LDB2: variants seen among roughly 807,000 people sequenced by gnomAD.
The protein encoded by LDB2 is LIM domain-binding protein 2.
In LDB2, 12 loss-of-function variants were observed where a neutral mutation model predicts 44.3. The observed-to-expected ratio is 0.27, with a 90% CI of 0.17 to 0.44. The LOEUF (loss-of-function observed/expected upper bound fraction) is 0.44, where lower values mean the gene tolerates loss of function less well. LDB2 is among the 20% of genes least tolerant of loss of function. LDB2 has a pLI of 1.00. For synonymous variants in LDB2, 164 were observed against 174.8 expected (o/e 0.94, Z 0.49); for missense variants, 344 against 473.5 (o/e 0.73, Z 2.54).
intron 2 of LDB2, among the ~76,000 whole-genome samples, chr4:16,671,714 G>A (rs939161542): frequency 2.6e-5 from 4 of 152,078 alleles, no homozygotes; most frequent in African/African-American, 7.2e-5. Context: ...CTGGGTCCAT[G>A]CCATTGCAAA....
At chr4:16,723,972 C>T (rs1758883646) in intron 2 of LDB2, among the ~76,000 whole-genome samples, 2 of 152,122 alleles carry the variant, frequency 1.3e-5, no homozygotes, top group African/African-American at 4.8e-5. Flanking sequence ...ATTCAAACGA[C>T]AGTGCCATAA....
intron 1 of LDB2, among the ~76,000 whole-genome samples, chr4:16,859,255 C>G (rs1711644101): frequency 6.6e-6 from 1 of 152,172 alleles, no homozygotes. Context: ...AATGACTTGT[C>G]CTTGAATCAT....
At chr4:16,649,028 AACT>A (rs892699149) in intron 2 of LDB2, among the ~76,000 whole-genome samples, 1 of 152,212 alleles carries the variant, frequency 6.6e-6, no homozygotes, top group Non-Finnish European at 1.5e-5. Context: ...TCCCTTAGAA[AACT>A]ACTTTCTTAT....
At chr4:16,618,162 A>G (rs1312492216) in intron 2 of LDB2, among the ~76,000 whole-genome samples, 1 of 152,082 alleles carries the variant, frequency 6.6e-6, no homozygotes, top group African/African-American at 2.4e-5. Flanking sequence ...CACTTAGACT[A>G]CACCTGGGGA....
chr4:16,692,716 A>G (rs1751092508), intron 2 of LDB2, among the ~76,000 whole-genome samples: 1 of 152,136 alleles, frequency 6.6e-6, no homozygotes, highest in Non-Finnish European at 1.5e-5. Flanking sequence ...AAAAATGCAG[A>G]TATGATGATT....
chr4:16,890,556 G>T (rs1214116422), intron 1 of LDB2, among the ~76,000 whole-genome samples: 1 of 152,142 alleles, frequency 6.6e-6, no homozygotes, highest in Non-Finnish European at 1.5e-5. Context: ...GAAGGGTGTG[G>T]CTACCAGGGC....
At chr4:16,632,279 A>G (rs548104606) in intron 2 of LDB2, among the ~76,000 whole-genome samples, 177 of 152,354 alleles carry the variant, frequency 1.2e-3, no homozygotes, top group African/African-American at 4.0e-3. Context: ...CTGGTTCAAC[A>G]TATGCAAATC....
intron 1 of LDB2, among the ~76,000 whole-genome samples, chr4:16,831,069 G>A (rs1783973499): frequency 6.6e-6 from 1 of 152,010 alleles, no homozygotes; most frequent in Non-Finnish European, 1.5e-5. Flanking sequence ...TAGGCAATGG[G>A]GTTGAATAGA....
At chr4:16,885,172 A>C (rs1012918471) in intron 1 of LDB2, among the ~76,000 whole-genome samples, 23 of 151,508 alleles carry the variant, frequency 1.5e-4, no homozygotes, top group Admixed American at 6.6e-5. Flanking sequence ...AAAAAAAAAA[A>C]AAAAACTTTT....
chr4:16,625,670 A>G (rs1730098015), intron 2 of LDB2, among the ~76,000 whole-genome samples: 1 of 152,226 alleles, frequency 6.6e-6, no homozygotes, highest in South Asian at 2.1e-4. Flanking sequence ...AATACTGGGA[A>G]GGGTTCTTGC....
intron 5 of LDB2, among the ~76,000 whole-genome samples, chr4:16,535,183 C>T (rs975503947): frequency 5.9e-5 from 9 of 152,102 alleles, no homozygotes; most frequent in Admixed American, 4.6e-4. Context: ...TTTGGATGAC[C>T]GTGGAAGGGG....
chr4:16,716,616 G>A lies in LDB2; in HGVS notation c.235+42542C>T, dbSNP rs1377547327. Among the ~76,000 whole-genome samples, 5 of 152,096 alleles carry A rather than the reference G, an allele frequency of 3.3e-5. No individual in the cohort carries two copies. The South Asian group carries it at 1.0e-3, about 32-fold the overall frequency. On this transcript the variant is annotated intron_variant, in intron 2 of 7. Transcript: ENST00000304523. Reference sequence around the variant, plus strand: ...AGCATTTGAACTCTTTTCCTCAAATGAAATTTTATCCATATAAACTCCAAA... The same window carrying A: ...AGCATTTGAACTCTTTTCCTCAAATAAAATTTTATCCATATAAACTCCAAA...
intron 2 of LDB2, among the ~76,000 whole-genome samples, chr4:16,683,812 T>G (rs1188917408): frequency 2.0e-5 from 3 of 152,234 alleles, no homozygotes; most frequent in South Asian, 2.1e-4. Flanking sequence ...GGAGGTTCAA[T>G]AGGAAGCTTA....
intron 2 of LDB2, among the ~76,000 whole-genome samples, chr4:16,669,135 C>T (rs1744079799): frequency 1.3e-5 from 2 of 152,182 alleles, no homozygotes; most frequent in African/African-American, 4.8e-5. Flanking sequence ...GAATCATCTA[C>T]CAGGGACCTC....
intron 2 of LDB2, among the ~76,000 whole-genome samples, chr4:16,640,926 T>C (rs1356310952): frequency 6.6e-6 from 1 of 152,200 alleles, no homozygotes; most frequent in Admixed American, 6.5e-5. Flanking sequence ...GACAATTTTG[T>C]TTTCATTAAA....
intron 2 of LDB2, among the ~76,000 whole-genome samples, chr4:16,722,844 A>G (rs947706779): frequency 2.6e-5 from 4 of 152,178 alleles, no homozygotes; most frequent in African/African-American, 9.6e-5. Context: ...AACAGCAAGA[A>G]GGCCCAGACA....
At chr4:16,633,465 C>T (rs1049699439) in intron 2 of LDB2, among the ~76,000 whole-genome samples, 1 of 152,094 alleles carries the variant, frequency 6.6e-6, no homozygotes, top group Admixed American at 6.5e-5. Flanking sequence ...TCCTATACAC[C>T]AATAACAGAC....
At chr4:16,584,728 A>G (rs11727237) in intron 5 of LDB2, among the ~76,000 whole-genome samples, 16,834 of 152,254 alleles carry the variant, frequency 0.11, 1,030 homozygotes, top group African/African-American at 0.14. Context: ...CTCAGTCTTC[A>G]TGGGCCACAG....
At chr4:16,595,996 GAGGCA>G in intron 2 of LDB2, 121 bp from the exon 3 acceptor site, 2 of 992,076 alleles carry the variant, frequency 2.0e-6, no homozygotes, top group Non-Finnish European at 2.9e-6. Flanking sequence ...ACCATACCAG[GAGGCA>G]AATTTCTCTT....
Sources: gnomAD v4.1 joint callset for allele counts (sites outside exome capture counted in the v4.1 genomes callset) on GRCh38, gnomAD v4.1.1 for gene constraint, MANE v1.5 for transcripts, NCBI Gene and HGNC (gene_info 2026-07-23, HGNC 2026-07-21) for gene names.